MYO1F: variants seen among roughly 807,000 people sequenced by gnomAD.
MYO1F encodes unconventional myosin-If.
Under a neutral mutation model 146.6 loss-of-function variants are expected in MYO1F, and 60 were observed. The observed-to-expected ratio is 0.41, with a 90% confidence interval of 0.33 to 0.51. MYO1F has a LOEUF of 0.51. MYO1F is among the 20% of genes least tolerant of loss of function. MYO1F has a pLI of 0.25. For synonymous variants in MYO1F, 602 were observed against 602.1 expected, an observed-to-expected ratio of 1.00 and a Z score of 0.00; for missense variants, 1,274 against 1,534.3, an observed-to-expected ratio of 0.83 and a Z score of 2.83.
intron 21 of MYO1F, among the ~76,000 whole-genome samples, chr19:8,528,780 A>G (rs1383594943): frequency 6.6e-6 from 1 of 152,138 alleles, no homozygotes; most frequent in African/African-American, 2.4e-5. Context: ...ATTATGGTTC[A>G]GGTGAGGGTG....
chr19:8,525,983 G>GT (rs1268464918), intron 24 of MYO1F, among the ~76,000 whole-genome samples: 2 of 151,878 alleles, frequency 1.3e-5, no homozygotes, highest in Admixed American at 1.3e-4. Flanking sequence ...CCATGGCCAC[G>GT]TCCCTCCTCC....
intron 14 of MYO1F, 101 bp downstream of exon 14, chr19:8,544,196 G>C: frequency 7.8e-7 from 1 of 1,276,892 alleles, no homozygotes; most frequent in Non-Finnish European, 1.1e-6. Flanking sequence ...AAGGGTCCTA[G>C]CAGGCTCTTT....
chr19:8,522,787 G>A lies in MYO1F; in HGVS notation c.2897C>T (p.Pro966Leu). ...TCCAGACATGATCTCCAGGGGCAGG[G>A]GGCCCCCTCTGGCAGAGGGGGGCAC... ...NGVPPSARGG[P>L]LPLEIMSGGG... Residue 966 changes from proline (P) to leucine (L), a missense_variant, in exon 26 of 28, where the codon CCC becomes CTC. By Grantham distance (98) the Pro-to-Leu change is moderately conservative. This residue lies in a region of MYO1F where 374 missense variants were observed against 379.2 expected (regional missense o/e 0.99). Coordinates refer to ENST00000644032, the MANE Select transcript of MYO1F (RefSeq NM_012335.4). 6.2e-7 allele frequency: 1 copy of A among 1,601,004 alleles called. No homozygotes were observed. The highest frequency in any genetic ancestry group is 8.5e-7 in the Non-Finnish European group (1 of 1,175,626).
At chr19:8,548,388 A>C in intron 10 of MYO1F, 71 bp from the exon 11 acceptor site, 2 of 1,456,384 alleles carry the variant, frequency 1.4e-6, no homozygotes, top group Non-Finnish European at 1.9e-6. Flanking sequence ...ACCACTCCTT[A>C]GACACACGCC....
At chr19:8,541,421 G>GT (rs1336052012) in intron 15 of MYO1F, among the ~76,000 whole-genome samples, 1 of 130,278 alleles carries the variant, frequency 7.7e-6, no homozygotes, top group African/African-American at 3.0e-5. Flanking sequence ...GTGTGTGTGT[G>GT]TGTGTTTTTT....
In MYO1F at chr19:8,558,427, A is replaced by C. The variant is rs542989797; in HGVS notation, c.4-2631T>G. Among the ~76,000 whole-genome samples the C allele has an allele frequency of 1.2e-3, 180 of 152,052 alleles. 2 individuals carry two copies. Among genetic ancestry groups the C allele is most frequent in the Middle Eastern group, 3.4e-3 (1 of 294 alleles). On this transcript the variant is annotated intron_variant, in intron 1 of 27. Transcript: ENST00000644032. ...GTGATCCTCCCACCTCAGCCTCCCA[A>C]AGTGCTGGAATTTCAGGCATGAGAC... is the stretch of plus-strand genomic sequence containing the variant.
chr19:8,574,562 T>TCTTTTTTCC, intron 1 of MYO1F, among the ~76,000 whole-genome samples: 1 of 86,234 alleles, frequency 1.2e-5, no homozygotes, highest in Non-Finnish European at 2.3e-5. Flanking sequence ...TTTCTTTCTT[T>TCTTTTTTCC]CTTTCTTTCT....
Position 8,522,554 on chromosome 19 carries a change from C to T in MYO1F, c.3051-8G>A, listed in dbSNP as rs1387470549. 6.2e-7 allele frequency: 1 copy of T among 1,610,888 alleles called. No individual in the cohort carries two copies. The highest frequency in any genetic ancestry group is 1.7e-5 in the Admixed American group (1 of 59,654). The stretch of plus-strand genomic sequence containing the variant: ...CTGCGCTTCCTCTGCATGCTGTGGG[C>T]ACAGGGGGTTTGAGTCACAGCCCCA... On this transcript the variant is annotated splice_polypyrimidine_tract_variant and splice_region_variant and intron_variant, in intron 26 of 27. Transcript: ENST00000644032.
At chr19:8,561,296 G>C (rs1974090392) in intron 1 of MYO1F, among the ~76,000 whole-genome samples, 2 of 151,808 alleles carry the variant, frequency 1.3e-5, no homozygotes, top group South Asian at 4.2e-4. Flanking sequence ...GAATGCAGGG[G>C]TAGTCAGGGC....
chr19:8,526,030 T>G (rs1972251225), intron 24 of MYO1F, among the ~76,000 whole-genome samples: 1 of 152,032 alleles, frequency 6.6e-6, no homozygotes, highest in Non-Finnish European at 1.5e-5. Context: ...GGCCTTTGTT[T>G]AAAAGTCTGT....
chr19:8,522,975 C>A (rs745498918), intron 25 of MYO1F, 146 bp from the exon 26 acceptor site: 81 of 672,594 alleles, frequency 1.2e-4, no homozygotes, highest in Admixed American at 2.9e-4. Flanking sequence ...CGGAGGGACT[C>A]TGCCGCTAGG....
intron 6 of MYO1F, among the ~76,000 whole-genome samples, chr19:8,552,574 A>AATAC (rs1973659040): frequency 1.3e-5 from 2 of 152,030 alleles, no homozygotes; most frequent in South Asian, 4.1e-4. Context: ...GCCCAAGGGT[A>AATAC]TGGAATTTAT....
chr19:8,521,478 C>G lies in MYO1F; in HGVS notation c.*50G>C. The G allele has an allele frequency of 6.3e-7, 1 of 1,592,368 alleles. No homozygotes were observed. The highest frequency in any genetic ancestry group is 8.6e-7 in the Non-Finnish European group (1 of 1,163,832). On this transcript the variant is annotated 3_prime_UTR_variant, in exon 28 of 28. Transcript: ENST00000644032. Reference sequence around the variant, plus strand: ...GGCAGGGCCTGGCTCCCCACCAGGCCGGCAGGCAGATAGGCGGGCGAAAGA... The same window carrying G: ...GGCAGGGCCTGGCTCCCCACCAGGCGGGCAGGCAGATAGGCGGGCGAAAGA...
At chr19:8,556,496 A>AAGAAAG (rs1555727818) in intron 1 of MYO1F, among the ~76,000 whole-genome samples, 16 of 141,654 alleles carry the variant, frequency 1.1e-4, no homozygotes, top group African/African-American at 4.7e-4. Context: ...GAAAGAAAGA[A>AAGAAAG]AGAAAGAAAG....
chr19:8,532,936 AC>A (rs1972550002), intron 19 of MYO1F, among the ~76,000 whole-genome samples: 2 of 150,966 alleles, frequency 1.3e-5, no homozygotes, highest in African/African-American at 4.9e-5. Context: ...ACACACACAC[AC>A]ACACACACAC....
chr19:8,541,315 A>G (rs1464135970), intron 15 of MYO1F, among the ~76,000 whole-genome samples: 3 of 151,214 alleles, frequency 2.0e-5, no homozygotes, highest in African/African-American at 4.9e-5. Context: ...AACAAGGCCC[A>G]AGGATGCTCA....
At chr19:8,541,781 G>T (rs1432331884) in intron 15 of MYO1F, 125 bp downstream of exon 15, 3 of 893,066 alleles carry the variant, frequency 3.4e-6, no homozygotes, top group South Asian at 2.7e-5. Flanking sequence ...CATCCTGGCC[G>T]CACAGCCACT....
At chr19:8,550,807 C>A in intron 8 of MYO1F, 113 bp from the exon 9 acceptor site, 1 of 1,408,246 alleles carries the variant, frequency 7.1e-7, no homozygotes, top group Non-Finnish European at 9.9e-7. Flanking sequence ...CCCTTGGGTC[C>A]CTGTCCTACC....
At chr19:8,554,377 A>C (rs1973753694) in intron 4 of MYO1F, 100 bp downstream of exon 4, 1 of 929,134 alleles carries the variant, frequency 1.1e-6, no homozygotes, top group East Asian at 2.4e-5. Flanking sequence ...CAGCAGGGCA[A>C]TGTTCAGATT....
Sources: gnomAD v4.1 joint callset for allele counts (sites outside exome capture counted in the v4.1 genomes callset) on GRCh38, gnomAD v4.1.1 for gene constraint, gnomAD v4.1.1 regional missense constraint, MANE v1.5 for transcripts, NCBI Gene and HGNC (gene_info 2026-07-23, HGNC 2026-07-21) for gene names.